The following PLEKHG7 variants were observed in gnomAD, a reference collection of about 807,000 sequenced individuals.
PLEKHG7 encodes the protein pleckstrin homology and RhoGEF domain containing G7, also known as pleckstrin homology domain-containing family G member 7.
A neutral mutation model predicts 85.2 loss-of-function variants in PLEKHG7; 77 were observed. The observed-to-expected ratio is 0.90, with a 90% CI of 0.75 to 1.09. The LOEUF is 1.09. Among genes scored for constraint, PLEKHG7 ranks in the 50% least tolerant of loss-of-function variants. The probability of loss-of-function intolerance (pLI) is 0.00; values close to 1 mark genes in which losing one functional copy is unlikely to be tolerated. For missense variants in PLEKHG7, 777 were observed against 804.3 expected (o/e 0.97, Z 0.41); for synonymous variants, 301 against 302.4 (o/e 1.00, Z 0.05).
At position 92,706,705 on chromosome 12, in the gene PLEKHG7, G is replaced by T. The variant is rs75859430; in HGVS notation, c.74G>T (p.Arg25Met). 1.2e-3 allele frequency: 2,003 copies of T among 1,614,134 alleles called. 11 individuals carry two copies. The African/African-American group carries it at 0.014, about 11-fold the overall frequency. The change falls in exon 2 of 17, where the codon AGG becomes ATG. Residue 25 changes from arginine to methionine, a missense_variant. Around this residue, in one of 3 missense-constraint regions of PLEKHG7, gnomAD observed 252 missense variants for 241.9 expected, o/e 1.04. Coordinates refer to ENST00000344636, the MANE Select transcript of PLEKHG7 (RefSeq NM_001377329.1). ...DCGASPRPSLRSLPKNQGSLL... is the reference protein window; with the variant it reads ...DCGASPRPSLMSLPKNQGSLL... ...GGAGCCTCTCCTCGGCCCTCGCTGA[G>T]GAGCCTGCCAAAGAACCAGGGGAGT...
intron 5 of PLEKHG7, among the ~76,000 whole-genome samples, chr12:92,736,177 G>A (rs1200016704): frequency 6.6e-6 from 1 of 152,072 alleles, no homozygotes; most frequent in Non-Finnish European, 1.5e-5. Context: ...CCAATGGGTA[G>A]GCATGATAAG....
In PLEKHG7 at chr12:92,761,546, GAGAA is replaced by G. The variant is rs755251938; in HGVS notation, c.1637-193_1637-190del. On this transcript the variant is annotated intron_variant, in intron 13 of 16. Transcript: ENST00000344636. ...AGGAATTCATTGATTAAAAAAAAGAGAGAAAGAAAGAAAGAAGGAAGGAAGGAAG... is the reference window on the plus strand; with the variant it reads ...AGGAATTCATTGATTAAAAAAAAGAGAGAAAGAAAGAAGGAAGGAAGGAAG... Among the ~76,000 whole-genome samples the G allele has an allele frequency of 1.2e-4, 12 of 97,538 alleles. No homozygotes were observed. In the South Asian group the frequency reaches 1.2e-3, roughly 10 times the overall value. 64.0% of individuals were successfully genotyped at this position (97,538 alleles called of 152,430 possible).
intron 3 of PLEKHG7, among the ~76,000 whole-genome samples, chr12:92,716,050 C>G (rs2136576610): frequency 6.6e-6 from 1 of 152,186 alleles, no homozygotes; most frequent in East Asian, 1.9e-4. Flanking sequence ...TTCAAAAATA[C>G]TGATTCTTCT....
At chr12:92,725,260 C>T (rs887153194) in intron 3 of PLEKHG7, among the ~76,000 whole-genome samples, 2 of 152,088 alleles carry the variant, frequency 1.3e-5, no homozygotes, top group African/African-American at 4.8e-5. Context: ...TCCCTATTTC[C>T]AGAGATCAAA....
rs548601352 is a variant in PLEKHG7, at chr12:92,722,108, T to C, written c.531-6885T>C. ...AATATTTAGAACAGCCAAAAGAAGA[T>C]ACCAGTTCGGATACACACTGCACCC... On this transcript the variant is annotated intron_variant, in intron 3 of 16. Transcript: ENST00000344636. Among the ~76,000 whole-genome samples, 26 of 151,416 alleles carry C rather than the reference T, an allele frequency of 1.7e-4. No individual in the cohort carries two copies. In the South Asian group the frequency reaches 4.0e-3, roughly 23 times the overall value.
chr12:92,736,645 T>C lies in PLEKHG7; in HGVS notation c.795+68T>C, dbSNP rs998573146. 5.0e-6 allele frequency: 5 copies of C among 997,256 alleles called. No individual in the cohort carries two copies. In the East Asian group the frequency reaches 1.6e-4, roughly 33 times the overall value. 61.8% of individuals were successfully genotyped at this position (997,256 alleles called of 1,614,324 possible). On this transcript the variant is annotated intron_variant, in intron 6 of 16. Coordinates refer to ENST00000344636, the MANE Select transcript of PLEKHG7 (RefSeq NM_001377329.1). ...TCGTTTTTTGGTGGGGTGGGGAAGG[T>C]CGGGTCAGTATTTTAAGCTGCCAGA...
intron 15 of PLEKHG7, among the ~76,000 whole-genome samples, chr12:92,766,881 G>T (rs1429927324): frequency 6.6e-6 from 1 of 152,130 alleles, no homozygotes; most frequent in African/African-American, 2.4e-5. Context: ...TTTCTGATTT[G>T]TAACTACCAT....
intron 3 of PLEKHG7, among the ~76,000 whole-genome samples, chr12:92,712,712 G>T (rs531688914): frequency 2.4e-4 from 37 of 152,094 alleles, no homozygotes; most frequent in African/African-American, 8.9e-4. Flanking sequence ...CTCCGTAATA[G>T]CCCTCACCCT....
intron 8 of PLEKHG7, 83 bp from the exon 9 acceptor site, chr12:92,741,408 G>T (rs1356295339): frequency 1.2e-6 from 1 of 817,880 alleles, no homozygotes; most frequent in East Asian, 2.6e-5. Flanking sequence ...ACACCTGTAA[G>T]AATGATACTT....
chr12:92,711,379 A>G (rs1871364661), intron 3 of PLEKHG7, among the ~76,000 whole-genome samples: 1 of 151,326 alleles, frequency 6.6e-6, no homozygotes, highest in Non-Finnish European at 1.5e-5. Flanking sequence ...AGTGGAGACC[A>G]TGAGCATTTG....
rs1454866431 is a variant in PLEKHG7 at position 92,740,898 on chromosome 12, C to G, written c.985C>G (p.Leu329Val). 1.9e-6 allele frequency: 3 copies of G among 1,611,924 alleles called. No homozygotes were observed. Among genetic ancestry groups the G allele is most frequent in the Non-Finnish European group, 2.5e-6 (3 of 1,178,786 alleles). ...LRYLQTHEYLLDVDLWRLFAN... is the reference protein window; with the variant it reads ...LRYLQTHEYLVDVDLWRLFAN... Reference sequence around the variant, plus strand: ...ATATCTGCAAACTCATGAATATCTCCTAGATGTGGATTTATGGAGACTTTT... The same window carrying G: ...ATATCTGCAAACTCATGAATATCTCGTAGATGTGGATTTATGGAGACTTTT... Residue 329 changes from leucine (L) to valine (V), a missense_variant, in exon 8 of 17, where the codon CTA (leucine) becomes GTA (valine). Leu to Val is a conservative substitution (Grantham distance 32, BLOSUM62 1). This residue lies in a region of PLEKHG7 where 520 missense variants were observed against 544.0 expected (regional missense o/e 0.96). Coordinates refer to ENST00000344636, the MANE Select transcript of PLEKHG7 (RefSeq NM_001377329.1).
chr12:92,721,485 C>G, intron 3 of PLEKHG7: 1 of 1,231,198 alleles, frequency 8.1e-7, no homozygotes, highest in Non-Finnish European at 1.0e-6. Flanking sequence ...TGGGACTAGT[C>G]CCTTCGGATC....
At chr12:92,769,475 A>AT (rs1873335487) in intron 16 of PLEKHG7, among the ~76,000 whole-genome samples, 1 of 152,196 alleles carries the variant, frequency 6.6e-6, no homozygotes. Context: ...ATAATAGGAT[A>AT]TTAGCTTAAG....
Position 92,768,976 on chromosome 12 carries a change from T to C in PLEKHG7, c.1871-7T>C, listed in dbSNP as rs777825749. Reference sequence around the variant, plus strand: ...TGGCTTTTTGTCTTTGTAATATCTTTTTCTAGTCTTTGGGCTGAGAAATGC... The same window carrying C: ...TGGCTTTTTGTCTTTGTAATATCTTCTTCTAGTCTTTGGGCTGAGAAATGC... On this transcript the variant is annotated splice_polypyrimidine_tract_variant and splice_region_variant and intron_variant, in intron 15 of 16. Transcript: ENST00000344636. 1.3e-6 allele frequency: 2 copies of C among 1,550,920 alleles called. No homozygotes were observed. Among genetic ancestry groups the C allele is most frequent in the Middle Eastern group, 1.7e-4 (1 of 5,894 alleles).
At chr12:92,713,656 T>C (rs1871408117) in intron 3 of PLEKHG7, among the ~76,000 whole-genome samples, 1 of 152,170 alleles carries the variant, frequency 6.6e-6, no homozygotes, top group Non-Finnish European at 1.5e-5. Context: ...TCACAAGGCA[T>C]TGGTCAAGGG....
chr12:92,721,491 G>A lies in PLEKHG7; in HGVS notation c.531-7502G>A, dbSNP rs74815006. ...CAGCAGCCATGGGACTAGTCCCTTC[G>A]GATCTGACCAGCTTGGGGCAACGCA... is the stretch of plus-strand genomic sequence containing the variant. On this transcript the variant is annotated intron_variant, in intron 3 of 16. Coordinates refer to ENST00000344636, the MANE Select transcript of PLEKHG7 (RefSeq NM_001377329.1). 1.9e-3 allele frequency: 2,395 copies of A among 1,231,050 alleles called. 37 individuals carry two copies. The African/African-American group carries it at 0.03, about 15-fold the overall frequency. 76.3% of individuals were successfully genotyped at this position (1,231,050 alleles called of 1,614,324 possible).
At chr12:92,767,488 C>T (rs188045304) in intron 15 of PLEKHG7, among the ~76,000 whole-genome samples, 198 of 142,912 alleles carry the variant, frequency 1.4e-3, no homozygotes, top group African/African-American at 5.0e-3. Context: ...GAGAGTAAAA[C>T]ACAGCCAGCT....
rs17020629 is a variant in PLEKHG7, at chr12:92,706,590, G to A, written c.-42G>A. 0.08 allele frequency: 123,806 copies of A among 1,540,260 alleles called. 5,591 individuals carry two copies. The highest frequency in any genetic ancestry group is 0.14 in the South Asian group (10,783 of 78,520). ...TGATCCAGAGAACAGCAACTCATAC[G>A]TCTTCTGGAACCTTCTACCAACAGT... is the stretch of plus-strand genomic sequence containing the variant. On this transcript the variant is annotated 5_prime_UTR_variant, in exon 2 of 17. Transcript: ENST00000344636.
In PLEKHG7 at chr12:92,706,852, G is replaced by A; in HGVS notation, c.221G>A (p.Trp74Ter). Residue 74 changes from tryptophan to a stop codon, truncating the protein, a stop_gained, in exon 2 of 17, where the codon TGG becomes TAG. Coordinates refer to ENST00000344636, the MANE Select transcript of PLEKHG7 (RefSeq NM_001377329.1). LOFTEE classifies it high-confidence loss of function. ...TGGCAGGTGACCACCTGGGGAAGCT[G>A]GGGAGCTCCTGTGGGCTTCCCATGT... Reference protein sequence around the residue: ...DAWQVTTWGSWGAPVGFPCYL... With the variant: ...DAWQVTTWGS The A allele has an allele frequency of 6.2e-7, 1 of 1,613,904 alleles. No homozygotes were observed. The highest frequency in any genetic ancestry group is 8.5e-7 in the Non-Finnish European group (1 of 1,180,000).
Sources: allele counts gnomAD v4.1 joint callset (sites outside exome capture counted in the v4.1 genomes callset), GRCh38; gene constraint gnomAD v4.1.1; regional missense constraint gnomAD v4.1.1; transcripts MANE v1.5; gene names NCBI Gene and HGNC (gene_info 2026-07-23, HGNC 2026-07-21).